The following PLD5 variants were observed in gnomAD, a reference collection of about 807,000 sequenced individuals.
PLD5 encodes phospholipase D family member 5, also known as inactive phospholipase D5.
In PLD5, 36 loss-of-function variants were observed where a neutral mutation model predicts 61.1. The ratio of observed to expected loss-of-function variants is 0.59; its 90% confidence interval spans 0.45 to 0.78. The LOEUF (loss-of-function observed/expected upper bound fraction) is 0.78, where lower values mean the gene tolerates loss of function less well. Ranked by LOEUF, PLD5 falls within the 30% of genes least tolerant of loss-of-function variation. The pLI, the probability that PLD5 is intolerant of heterozygous loss-of-function variation, is 0.00. For synonymous variants in PLD5, 243 were observed against 242.8 expected, an observed-to-expected ratio of 1.00 and a Z score of -0.01; for missense variants, 515 against 644.4, an observed-to-expected ratio of 0.80 and a Z score of 2.17.
In PLD5 at chr1:242,267,888, T is replaced by TAAA. The variant is rs552931193; in HGVS notation, c.496-2443_496-2441dup. On this transcript the variant is annotated intron_variant, in intron 3 of 9. Coordinates refer to ENST00000536534, the MANE Select transcript of PLD5 (RefSeq NM_001372062.1). ...ACAGCTAGACCCCATCTCCAAAAAT[T>TAAA]AAAAAAAAAAAAAAAGAGGCAGGAG... is the stretch of plus-strand genomic sequence containing the variant. 5.9e-3 allele frequency among the ~76,000 whole-genome samples: 652 copies of TAAA among 109,664 alleles called. 8 individuals are homozygous for TAAA. The highest frequency in any genetic ancestry group is 0.018 in the African/African-American group (547 of 31,236). The allele number at this position is 109,664 out of a possible 152,430, so 71.9% of individuals were successfully genotyped here.
chr1:242,318,052 G>C (rs909253627), intron 2 of PLD5, among the ~76,000 whole-genome samples: 17 of 152,164 alleles, frequency 1.1e-4, no homozygotes, highest in Non-Finnish European at 2.4e-4. Context: ...GCTTGAAAGG[G>C]GAGAAGAGGT....
chr1:242,092,509 C>T (rs2148649231), intron 9 of PLD5, among the ~76,000 whole-genome samples: 1 of 152,258 alleles, frequency 6.6e-6, no homozygotes, highest in East Asian at 1.9e-4. Context: ...TTCGAAATTA[C>T]CACTAGGCCA....
At chr1:242,352,410 G>T (rs2265655) in intron 1 of PLD5, among the ~76,000 whole-genome samples, 2 of 152,138 alleles carry the variant, frequency 1.3e-5, no homozygotes, top group South Asian at 4.1e-4. Context: ...ATACTATTTC[G>T]TTGTACATAC....
At chr1:242,119,898 A>G (rs993835211) in intron 6 of PLD5, among the ~76,000 whole-genome samples, 1 of 152,208 alleles carries the variant, frequency 6.6e-6, no homozygotes, top group African/African-American at 2.4e-5. Context: ...ACTATTTACA[A>G]TAGCCAAGAA....
At chr1:242,483,351 G>A (rs1354903611) in intron 1 of PLD5, among the ~76,000 whole-genome samples, 3 of 152,116 alleles carry the variant, frequency 2.0e-5, no homozygotes, top group South Asian at 2.1e-4. Flanking sequence ...TCAAAATAAA[G>A]GGATGGAGGA....
intron 5 of PLD5, among the ~76,000 whole-genome samples, chr1:242,158,449 C>T (rs913533715): frequency 6.6e-6 from 1 of 152,136 alleles, no homozygotes; most frequent in African/African-American, 2.4e-5. Context: ...GGGTAGGCAC[C>T]AGAGGGAATC....
intron 9 of PLD5, among the ~76,000 whole-genome samples, chr1:242,098,080 G>T (rs1232644675): frequency 6.6e-6 from 1 of 152,116 alleles, no homozygotes; most frequent in Admixed American, 6.6e-5. Flanking sequence ...GGCATTCTCT[G>T]TATTTCCTGA....
intron 1 of PLD5, among the ~76,000 whole-genome samples, chr1:242,444,685 T>TA (rs1491032018): frequency 1.2e-3 from 76 of 64,370 alleles, no homozygotes; most frequent in African/African-American, 3.2e-3. Flanking sequence ...AATATAAATA[T>TA]TTATATTATA....
chr1:242,160,032 G>C (rs2148841184), intron 5 of PLD5, among the ~76,000 whole-genome samples: 1 of 151,058 alleles, frequency 6.6e-6, no homozygotes, highest in South Asian at 2.1e-4. Flanking sequence ...TTTTGAGATA[G>C]ATAGGGTCTT....
intron 1 of PLD5, among the ~76,000 whole-genome samples, chr1:242,399,088 A>G (rs1410829967): frequency 3.3e-5 from 5 of 152,166 alleles, no homozygotes; most frequent in Non-Finnish European, 5.9e-5. Context: ...TTCTGTGTGC[A>G]TTTTCTTTTC....
chr1:242,431,253 T>A (rs955460252), intron 1 of PLD5, among the ~76,000 whole-genome samples: 10 of 152,186 alleles, frequency 6.6e-5, no homozygotes, highest in African/African-American at 2.4e-4. Context: ...AAGAAACAGT[T>A]TTGGTGTAAA....
intron 1 of PLD5, among the ~76,000 whole-genome samples, chr1:242,370,933 T>G (rs1276354655): frequency 2.0e-5 from 3 of 152,186 alleles, no homozygotes; most frequent in African/African-American, 7.2e-5. Flanking sequence ...TCTTTCAACT[T>G]TCTGTGATAG....
At chr1:242,341,698 T>C (rs1659842500) in intron 2 of PLD5, among the ~76,000 whole-genome samples, 2 of 141,734 alleles carry the variant, frequency 1.4e-5, no homozygotes, top group Admixed American at 1.5e-4. Flanking sequence ...TAATATTACA[T>C]GGGACCCCTT....
chr1:242,205,136 T>C (rs1372299954), intron 5 of PLD5, among the ~76,000 whole-genome samples: 1 of 152,164 alleles, frequency 6.6e-6, no homozygotes, highest in African/African-American at 2.4e-5. Flanking sequence ...ATTTAGAACA[T>C]ATTCAGGAAG....
At chr1:242,181,000 A>G (rs895278210) in intron 5 of PLD5, among the ~76,000 whole-genome samples, 13 of 151,990 alleles carry the variant, frequency 8.6e-5, no homozygotes, top group African/African-American at 3.1e-4. Flanking sequence ...AAACAAACAA[A>G]CAAACAAACA....
intron 3 of PLD5, among the ~76,000 whole-genome samples, chr1:242,273,589 C>T (rs1377535238): frequency 2.0e-5 from 3 of 152,076 alleles, no homozygotes; most frequent in Non-Finnish European, 4.4e-5. Flanking sequence ...TGTTAGCAGG[C>T]TAAAAAATGG....
At chr1:242,487,075 G>C (rs1012110544) in intron 1 of PLD5, among the ~76,000 whole-genome samples, 26 of 151,382 alleles carry the variant, frequency 1.7e-4, no homozygotes, top group African/African-American at 3.9e-4. Flanking sequence ...GTGGCAGCAG[G>C]GGGGAGGGAT....
chr1:242,423,756 A>G (rs1032098675), intron 1 of PLD5, among the ~76,000 whole-genome samples: 1 of 152,180 alleles, frequency 6.6e-6, no homozygotes, highest in African/African-American at 2.4e-5. Flanking sequence ...TGGGAATGCT[A>G]GGCTCCACGA....
rs190516476 is a variant in PLD5 at position 242,160,626 on chromosome 1, C to A, written c.736-35961G>T. On this transcript the variant is annotated intron_variant, in intron 5 of 9. Transcript: ENST00000536534. ...TTTTGGCCGAGTGTGGTGGCTCTCG[C>A]CTGTAATCCCAGCACTTTGGGAGCC... Among the ~76,000 whole-genome samples, 224 of 152,244 alleles carry A rather than the reference C, an allele frequency of 1.5e-3. 2 individuals carry two copies. Among genetic ancestry groups the A allele is most frequent in the Non-Finnish European group, 4.4e-4 (30 of 68,024 alleles).
Sources: allele counts gnomAD v4.1 joint callset (sites outside exome capture counted in the v4.1 genomes callset), GRCh38; gene constraint gnomAD v4.1.1; transcripts MANE v1.5; gene names NCBI Gene and HGNC (gene_info 2026-07-23, HGNC 2026-07-21).